Variants in PLEKHH1 observed in about 807,000 individuals in gnomAD.
The protein encoded by PLEKHH1 is pleckstrin homology domain-containing family H member 1.
In PLEKHH1, 104 loss-of-function variants were observed where a neutral mutation model predicts 160.0. That is an observed-to-expected ratio of 0.65 (90% CI 0.55 to 0.76). The LOEUF is 0.76. Ranked by LOEUF, PLEKHH1 falls within the 30% of genes least tolerant of loss-of-function variation. PLEKHH1 has a pLI of 0.00. For missense variants in PLEKHH1, 1,427 were observed against 1,724.1 expected, an observed-to-expected ratio of 0.83 and a Z score of 3.05; for synonymous variants, 619 against 678.4, an observed-to-expected ratio of 0.91 and a Z score of 1.36.
chr14:67,582,237 G>A lies in PLEKHH1; in HGVS notation c.3426+27G>A. 6.2e-7 allele frequency: 1 copy of A among 1,613,210 alleles called. No homozygotes were observed. Among genetic ancestry groups the A allele is most frequent in the Non-Finnish European group, 8.5e-7 (1 of 1,179,818 alleles). Reference sequence around the variant, plus strand: ...TAAGGTTCTGTTCAGGAAGCAGGAGGGTCGGGTTGCCAGCTTAGAATGAAT... The same window carrying A: ...TAAGGTTCTGTTCAGGAAGCAGGAGAGTCGGGTTGCCAGCTTAGAATGAAT... On this transcript the variant is annotated intron_variant, in intron 24 of 28. Transcript: ENST00000329153. This position sits in a 1 kb window ranked among gnomAD's most constrained non-coding sequence, Gnocchi z 5.0.
intron 20 of PLEKHH1, 98 bp from the exon 21 acceptor site, chr14:67,579,036 T>C (rs7152499): frequency 0.28 from 225,426 of 796,948 alleles, 32,648 homozygotes; most frequent in Non-Finnish European, 0.31. Flanking sequence ...CTGCCCCAGC[T>C]ACAGTTTTGG....
At chr14:67,587,043 C>G in intron 28 of PLEKHH1, 31 bp from the exon 29 acceptor site, 1 of 1,552,310 alleles carries the variant, frequency 6.4e-7, no homozygotes, top group Non-Finnish European at 8.8e-7. Context: ...AAGGCTAGTT[C>G]AATTCCTTCA....
chr14:67,566,236 A>G lies in PLEKHH1; in HGVS notation c.1264-2902A>G, dbSNP rs142222581. 6.8e-4 allele frequency among the ~76,000 whole-genome samples: 103 copies of G among 152,230 alleles called. 1 individual carries two copies. The highest frequency in any genetic ancestry group is 2.3e-3 in the African/African-American group (97 of 41,538). Reference sequence around the variant, plus strand: ...TTCAAGGACACCTGTAAGACTGGAGACCCAGTTGAGCCAAGAGTGGGGCAC... The same window carrying G: ...TTCAAGGACACCTGTAAGACTGGAGGCCCAGTTGAGCCAAGAGTGGGGCAC... On this transcript the variant is annotated intron_variant, in intron 7 of 28. Transcript: ENST00000329153.
Position 67,574,206 on chromosome 14 carries a change from G to C in PLEKHH1, c.1927-36G>C, listed in dbSNP as rs367985940. On this transcript the variant is annotated intron_variant, in intron 13 of 28. Coordinates refer to ENST00000329153, the MANE Select transcript of PLEKHH1 (RefSeq NM_020715.3). The surrounding 1 kb of genome is among the most constrained non-coding windows in gnomAD (Gnocchi z 4.2). ...AGGTCCTGGTTACTCCATTCTCCCA[G>C]CGTGCTGCCCCACCCCCATATCTCG... The C allele has an allele frequency of 4.1e-5, 63 of 1,536,174 alleles. No homozygotes were observed. In the African/African-American group the frequency reaches 8.3e-4, roughly 20 times the overall value.
intron 2 of PLEKHH1, among the ~76,000 whole-genome samples, chr14:67,553,797 G>A (rs1193060131): frequency 1.3e-5 from 2 of 152,150 alleles, no homozygotes; most frequent in Non-Finnish European, 2.9e-5. Flanking sequence ...ACAGGCCTGA[G>A]GACTGTTTGA....
At chr14:67,553,633 G>A (rs1022151325) in intron 2 of PLEKHH1, among the ~76,000 whole-genome samples, 1 of 152,196 alleles carries the variant, frequency 6.6e-6, no homozygotes, top group Non-Finnish European at 1.5e-5. Context: ...AACACTGGGG[G>A]CCACCACTAT....
rs756716356 is a variant in PLEKHH1, at chr14:67,576,426, C to T, written c.2384C>T (p.Ala795Val). Reference protein sequence around the residue: ...DTWLYHLTVAAGGSSAKVGTA... With the variant: ...DTWLYHLTVAVGGSSAKVGTA... ...TGGCTCTACCACCTCACAGTGGCTG[C>T]AGGTGGCAGCAGTGCCAAGGTGGGC... The change falls in exon 17 of 29, where the codon GCA becomes GTA. Residue 795 changes from alanine (A) to valine (V), a missense_variant. Transcript: ENST00000329153. The surrounding 1 kb of genome is among the most constrained non-coding windows in gnomAD (Gnocchi z 4.0). 1.2e-6 allele frequency: 2 copies of T among 1,607,388 alleles called. No homozygotes were observed. Among genetic ancestry groups the T allele is most frequent in the Admixed American group, 1.7e-5 (1 of 59,932 alleles).
chr14:67,562,108 CA>C, intron 6 of PLEKHH1, 28 bp from the exon 7 acceptor site: 2 of 1,611,288 alleles, frequency 1.2e-6, no homozygotes, highest in East Asian at 4.5e-5. Flanking sequence ...CGGGAGCTCT[CA>C]ATGTGACTGT....
At position 67,585,599 on chromosome 14, in the gene PLEKHH1, TG is replaced by T; in HGVS notation, c.3733del (p.Val1245CysfsTer5). ...PAQLSSKENA[L>X]VWIAVNEDGV... is the part of the protein sequence containing the mutation. ...CAGCTGTCTTCCAAGGAGAACGCTC[TG>T]GTGTGGATTGCTGTGAATGAGGATG... On this transcript the variant is annotated frameshift_variant, in exon 27 of 29. Coordinates refer to ENST00000329153, the MANE Select transcript of PLEKHH1 (RefSeq NM_020715.3). LOFTEE classifies it high-confidence loss of function. The T allele has an allele frequency of 1.3e-6, 2 of 1,585,734 alleles. No individual in the cohort carries two copies. Among genetic ancestry groups the T allele is most frequent in the Non-Finnish European group, 1.7e-6 (2 of 1,164,926 alleles).
rs574155847 is a variant in PLEKHH1, at chr14:67,587,590, T to C, written c.*355T>C. On this transcript the variant is annotated 3_prime_UTR_variant, in exon 29 of 29. Transcript: ENST00000329153. ...CTGGTACTCTCAAGGAAGCTAATTT[T>C]CTTTCTGGGGGGGGCGGGGGACACA... 1.7e-4 allele frequency: 47 copies of C among 274,428 alleles called. No homozygotes were observed. In the East Asian group the frequency reaches 4.2e-3, roughly 24 times the overall value. 17.0% of individuals were successfully genotyped at this position (274,428 alleles called of 1,614,324 possible). A position where few individuals can be genotyped will look rare whatever the true frequency, so the allele number is the denominator to read the frequency against.
intron 22 of PLEKHH1, chr14:67,580,255 C>A (rs908496468): frequency 1.5e-5 from 3 of 194,544 alleles, no homozygotes; most frequent in Middle Eastern, 2.0e-3. Context: ...TGGTACCCAG[C>A]ACCTCACTTT....
At chr14:67,553,009 A>T (rs1044750052) in intron 2 of PLEKHH1, among the ~76,000 whole-genome samples, 7 of 152,244 alleles carry the variant, frequency 4.6e-5, no homozygotes, top group Non-Finnish European at 8.8e-5. Flanking sequence ...GGTTCTGACC[A>T]ATGTCATTGA....
chr14:67,585,400 G>C, intron 26 of PLEKHH1, 168 bp from the exon 27 acceptor site: 1 of 593,302 alleles, frequency 1.7e-6, no homozygotes, highest in African/African-American at 1.9e-5. Flanking sequence ...AAGCAGCCTT[G>C]TCTATTTCCT....
intron 1 of PLEKHH1, among the ~76,000 whole-genome samples, chr14:67,534,474 T>C (rs894953577): frequency 1.3e-5 from 2 of 152,102 alleles, no homozygotes; most frequent in Admixed American, 6.5e-5. Flanking sequence ...TAGTCCCAGC[T>C]AACTTGGGAG....
chr14:67,538,808 A>G (rs761851578), intron 1 of PLEKHH1, among the ~76,000 whole-genome samples: 2 of 152,180 alleles, frequency 1.3e-5, no homozygotes, highest in African/African-American at 2.4e-5. Context: ...CCACTTGATC[A>G]GTTCAGAACC....
intron 1 of PLEKHH1, among the ~76,000 whole-genome samples, chr14:67,534,813 T>C (rs2033636737): frequency 6.6e-6 from 1 of 152,324 alleles, no homozygotes; most frequent in South Asian, 2.1e-4. Context: ...CAAAGAAATG[T>C]CTGGCAATTT....
intron 3 of PLEKHH1, among the ~76,000 whole-genome samples, chr14:67,556,266 G>A (rs61186071): frequency 2.0e-5 from 3 of 152,150 alleles, no homozygotes; most frequent in African/African-American, 2.4e-5. Flanking sequence ...CTTGGAATGC[G>A]CAGCCTTCTT....
intron 1 of PLEKHH1, among the ~76,000 whole-genome samples, chr14:67,533,981 A>C (rs966754888): frequency 1.3e-5 from 2 of 151,930 alleles, no homozygotes; most frequent in African/African-American, 4.8e-5. Flanking sequence ...TCTGGAAGGA[A>C]ACTCCTCTCC....
Position 67,569,937 on chromosome 14 carries a change from C to T in PLEKHH1, c.1359C>T (p.Ala453=). The T allele has an allele frequency of 6.2e-7, 1 of 1,608,578 alleles. No homozygotes were observed. The highest frequency in any genetic ancestry group is 8.5e-7 in the Non-Finnish European group (1 of 1,176,748). The change falls in exon 9 of 29, where the codon GCC becomes GCT. Residue 453 remains alanine, a synonymous_variant. Transcript: ENST00000329153. The part of the protein sequence containing the change: ...NTACCASSPP[A]LVSPGSFSGL... ...CCTGCTCAGCTTCAAGCCCTCCTGC[C>T]CTTGTTTCCCCTGGGTCTTTCTCTG...
Sources: gnomAD v4.1 joint callset for allele counts (sites outside exome capture counted in the v4.1 genomes callset) on GRCh38, gnomAD v4.1.1 for gene constraint, Gnocchi (gnomAD v3.1) non-coding constraint, MANE v1.5 for transcripts, NCBI Gene and HGNC (gene_info 2026-07-23, HGNC 2026-07-21) for gene names.